Variants in AGBL4 observed in about 807,000 individuals in gnomAD.
AGBL4 encodes the protein cytosolic carboxypeptidase 6.
A neutral mutation model predicts 66.4 loss-of-function variants in AGBL4; 58 were observed. That is an observed-to-expected ratio of 0.87 (90% CI 0.71 to 1.09). The LOEUF is 1.09. Ranked by LOEUF, AGBL4 falls within the 50% of genes least tolerant of loss-of-function variation. The pLI, the probability that AGBL4 is intolerant of heterozygous loss-of-function variation, is 0.00. For missense variants in AGBL4, 579 were observed against 631.0 expected (o/e 0.92, Z 0.88); for synonymous variants, 234 against 222.9 (o/e 1.05, Z -0.44).
At chr1:49,708,435 T>C (rs779423638) in intron 2 of AGBL4, among the ~76,000 whole-genome samples, 2 of 152,068 alleles carry the variant, frequency 1.3e-5, no homozygotes, top group Non-Finnish European at 2.9e-5. Flanking sequence ...AAACTGGTTA[T>C]TCTAGTTAGC....
At chr1:48,895,303 C>T (rs575766651) in intron 5 of AGBL4, among the ~76,000 whole-genome samples, 54 of 152,308 alleles carry the variant, frequency 3.5e-4, no homozygotes, top group African/African-American at 1.2e-3. Context: ...CATGGGCCAG[C>T]CAGTGGTCAA....
At chr1:49,215,149 G>A (rs1312141463) in intron 4 of AGBL4, among the ~76,000 whole-genome samples, 2 of 152,024 alleles carry the variant, frequency 1.3e-5, no homozygotes, top group Non-Finnish European at 2.9e-5. Flanking sequence ...TCCAGCATAT[G>A]CAAATCCTAA....
intron 3 of AGBL4, among the ~76,000 whole-genome samples, chr1:49,524,892 A>T (rs1477512382): frequency 6.6e-6 from 1 of 152,108 alleles, no homozygotes; most frequent in Non-Finnish European, 1.5e-5. Flanking sequence ...TAGCAACCTC[A>T]GAGATGAACA....
intron 5 of AGBL4, among the ~76,000 whole-genome samples, chr1:48,887,117 G>T (rs926108885): frequency 4.6e-5 from 7 of 152,080 alleles, no homozygotes; most frequent in African/African-American, 1.7e-4. Context: ...AGGGCTTGTG[G>T]GCCCTGGCAG....
At chr1:48,722,432 T>G (rs1647166627) in intron 6 of AGBL4, among the ~76,000 whole-genome samples, 1 of 152,118 alleles carries the variant, frequency 6.6e-6, no homozygotes, top group Admixed American at 6.6e-5. Context: ...ACTGCAGGTG[T>G]GGCACAGTGG....
At chr1:49,147,866 AG>A (rs1646249983) in intron 4 of AGBL4, among the ~76,000 whole-genome samples, 1 of 152,074 alleles carries the variant, frequency 6.6e-6, no homozygotes, top group Non-Finnish European at 1.5e-5. Flanking sequence ...GCCAGGTCTT[AG>A]GCTGGGGGAG....
chr1:49,494,453 T>G (rs1161379378), intron 3 of AGBL4, among the ~76,000 whole-genome samples: 1 of 151,284 alleles, frequency 6.6e-6, no homozygotes, highest in African/African-American at 2.4e-5. Context: ...GTCCCCAGAG[T>G]GTGATGTTCC....
At chr1:48,742,601 G>A in intron 6 of AGBL4, 3 of 1,512,164 alleles carry the variant, frequency 2.0e-6, no homozygotes, top group Non-Finnish European at 2.7e-6. Context: ...GCAGGGAATG[G>A]ATATTGAGCT....
At chr1:49,654,092 T>C (rs1046330831) in intron 3 of AGBL4, among the ~76,000 whole-genome samples, 1 of 152,062 alleles carries the variant, frequency 6.6e-6, no homozygotes, top group Admixed American at 6.5e-5. Context: ...AGGTCACCTA[T>C]AAAAGGAAAT....
In AGBL4 at chr1:49,374,346, T is replaced by TA. The variant is rs890908052; in HGVS notation, c.283-128483dup. On this transcript the variant is annotated intron_variant, in intron 3 of 13. Coordinates refer to ENST00000371839, the MANE Select transcript of AGBL4 (RefSeq NM_032785.4). Reference sequence around the variant, plus strand: ...GCTTCATTCCTACTCTTCAGAATCCTAAAAAAAAAAAACAAAAAACCTTGG... The same window carrying TA: ...GCTTCATTCCTACTCTTCAGAATCCTAAAAAAAAAAAAACAAAAAACCTTGG... 8.0e-3 allele frequency: 1,132 copies of TA among 140,990 alleles called. 8 individuals carry two copies. The highest frequency in any genetic ancestry group is 0.021 in the African/African-American group (798 of 38,782). 8.7% of individuals were successfully genotyped at this position (140,990 alleles called of 1,614,324 possible).
intron 11 of AGBL4, among the ~76,000 whole-genome samples, chr1:48,579,287 G>T (rs1644700248): frequency 6.6e-6 from 1 of 151,816 alleles, no homozygotes; most frequent in African/African-American, 2.4e-5. Flanking sequence ...GAGTGCAATG[G>T]CATGATCTCA....
chr1:50,006,078 G>A (rs1033322806), intron 1 of AGBL4, among the ~76,000 whole-genome samples: 3 of 152,320 alleles, frequency 2.0e-5, no homozygotes, highest in Admixed American at 6.5e-5. Flanking sequence ...GGTGGCTCAC[G>A]CCTGTAATCT....
chr1:49,455,972 T>C (rs573439004), intron 3 of AGBL4, among the ~76,000 whole-genome samples: 207 of 151,916 alleles, frequency 1.4e-3, no homozygotes, highest in African/African-American at 4.8e-3. Context: ...GCATTGTCTA[T>C]AGATAATGAG....
rs1646882542 is a variant in AGBL4, at chr1:49,478,125, TAGAGA to T, written c.282+219183_282+219187del. Among the ~76,000 whole-genome samples the T allele has an allele frequency of 2.6e-5, 4 of 151,490 alleles. No homozygotes were observed. The South Asian group carries it at 8.4e-4, about 32-fold the overall frequency. ...AGAGTCATTGGGCTTAAAGAGGAGGTAGAGAAAAGATAGAGTTACAAAGTTTATTC... is the reference window on the plus strand; with the variant it reads ...AGAGTCATTGGGCTTAAAGAGGAGGTAAAGATAGAGTTACAAAGTTTATTC... On this transcript the variant is annotated intron_variant, in intron 3 of 13. Transcript: ENST00000371839.
At chr1:49,963,735 G>T (rs1349814118) in intron 1 of AGBL4, among the ~76,000 whole-genome samples, 1 of 152,098 alleles carries the variant, frequency 6.6e-6, no homozygotes, top group African/African-American at 2.4e-5. Context: ...TGCTCCAACT[G>T]CCCATGAATA....
At chr1:49,783,335 C>T (rs949355108) in intron 2 of AGBL4, among the ~76,000 whole-genome samples, 1 of 151,944 alleles carries the variant, frequency 6.6e-6, no homozygotes, top group Non-Finnish European at 1.5e-5. Context: ...ATATCATTAC[C>T]AAATTGAATT....
intron 3 of AGBL4, among the ~76,000 whole-genome samples, chr1:49,318,085 C>T (rs1395563342): frequency 1.3e-5 from 2 of 151,914 alleles, no homozygotes; most frequent in African/African-American, 4.8e-5. Flanking sequence ...ATCAGCTTTG[C>T]AGAATGACAG....
intron 3 of AGBL4, among the ~76,000 whole-genome samples, chr1:49,353,061 A>G (rs1643943965): frequency 6.6e-6 from 1 of 152,202 alleles, no homozygotes; most frequent in South Asian, 2.1e-4. Flanking sequence ...TAGGATGTTT[A>G]CATTAAAGAT....
At chr1:49,166,545 A>C (rs1646638790) in intron 4 of AGBL4, among the ~76,000 whole-genome samples, 1 of 152,148 alleles carries the variant, frequency 6.6e-6, no homozygotes, top group South Asian at 2.1e-4. Context: ...CTTTGTAGAA[A>C]ACTTTGCATG....
Sources: gnomAD v4.1 joint callset for allele counts (sites outside exome capture counted in the v4.1 genomes callset) on GRCh38, gnomAD v4.1.1 for gene constraint, MANE v1.5 for transcripts, NCBI Gene and HGNC (gene_info 2026-07-23, HGNC 2026-07-21) for gene names.